GLG1: variants seen among roughly 807,000 people sequenced by gnomAD.
The protein encoded by GLG1 is Golgi apparatus protein 1.
GLG1 carries 38 observed loss-of-function variants against 160.5 expected under a neutral mutation model. The observed-to-expected ratio is 0.24, with a 90% CI of 0.18 to 0.31. GLG1 has a LOEUF of 0.31. Ranked by LOEUF, GLG1 falls within the 10% of genes least tolerant of loss-of-function variation. The pLI is 1.00. For synonymous variants in GLG1, 644 were observed against 543.4 expected (o/e 1.19, Z -2.57); for missense variants, 1,373 against 1,505.2 (o/e 0.91, Z 1.45).
chr16:74,505,876 C>T (rs886725093), intron 3 of GLG1, among the ~76,000 whole-genome samples: 7 of 150,676 alleles, frequency 4.6e-5, no homozygotes, highest in Non-Finnish European at 5.9e-5. Flanking sequence ...ACAAAAAACC[C>T]AAAATTAGCT....
In GLG1 at chr16:74,452,598, C is replaced by A; in HGVS notation, c.*569G>T. On this transcript the variant is annotated 3_prime_UTR_variant, in exon 26 of 26. Coordinates refer to ENST00000422840, the MANE Select transcript of GLG1 (RefSeq NM_001145667.2). ...ACACAGCCTGGGGAACGGCTGCCCA[C>A]CCACGCCTCGGTGAAGACCACGGCC... is the stretch of plus-strand genomic sequence containing the variant. The A allele has an allele frequency of 7.0e-6, 7 of 1,001,278 alleles. No individual in the cohort carries two copies. In the South Asian group the frequency reaches 2.6e-4, roughly 38 times the overall value. 62.0% of individuals were successfully genotyped at this position (1,001,278 alleles called of 1,614,324 possible). A position where few individuals can be genotyped will look rare whatever the true frequency, so the allele number is the denominator to read the frequency against.
At chr16:74,537,533 GAT>G (rs777586437) in intron 1 of GLG1, among the ~76,000 whole-genome samples, 42 of 143,556 alleles carry the variant, frequency 2.9e-4, no homozygotes, top group Non-Finnish European at 5.0e-4. Context: ...GGGAGTCTGA[GAT>G]ATCCTGAAAT....
intron 2 of GLG1, among the ~76,000 whole-genome samples, chr16:74,512,273 T>TAAA (rs368505481): frequency 1.5e-5 from 2 of 135,146 alleles, no homozygotes; most frequent in Non-Finnish European, 3.2e-5. Context: ...GAATCCATAT[T>TAAA]AAAAAAAAAA....
At chr16:74,469,519 G>C (rs977673854) in intron 16 of GLG1, 42 of 186,336 alleles carry the variant, frequency 2.3e-4, no homozygotes, top group South Asian at 1.5e-3. Flanking sequence ...AATTTGGACA[G>C]TCACGCTGAA....
intron 18 of GLG1, among the ~76,000 whole-genome samples, chr16:74,467,021 G>A (rs771946478): frequency 2.6e-5 from 4 of 152,092 alleles, no homozygotes; most frequent in Admixed American, 6.6e-5. Context: ...AGAGCCAACC[G>A]GAAACACACA....
chr16:74,454,280 A>G (rs542199938), intron 25 of GLG1, among the ~76,000 whole-genome samples: 99 of 151,926 alleles, frequency 6.5e-4, no homozygotes, highest in Middle Eastern at 3.4e-3. Flanking sequence ...ATCACAGCTC[A>G]CTACAACCTC....
chr16:74,451,775 C>A lies in GLG1; in HGVS notation c.*1392G>T. On this transcript the variant is annotated 3_prime_UTR_variant, in exon 26 of 26. Transcript: ENST00000422840. ...CACGCTGAACCATGATGCCCGGACC[C>A]CTCCCTCTCACACCCAGACTTGTCA... 1 of 414,474 alleles carries A rather than the reference C, an allele frequency of 2.4e-6. No homozygotes were observed. Among genetic ancestry groups the A allele is most frequent in the African/African-American group, 2.0e-5 (1 of 50,000 alleles). 25.7% of individuals were successfully genotyped at this position (414,474 alleles called of 1,614,324 possible). A position where few individuals can be genotyped will look rare whatever the true frequency, so the allele number is the denominator to read the frequency against.
chr16:74,486,400 T>G (rs1284019597), intron 8 of GLG1, among the ~76,000 whole-genome samples: 1 of 152,258 alleles, frequency 6.6e-6, no homozygotes, highest in Non-Finnish European at 1.5e-5. Flanking sequence ...AAAGCAGATG[T>G]GCAATTTCAT....
At chr16:74,481,193 G>C (rs1259538908) in intron 10 of GLG1, among the ~76,000 whole-genome samples, 1 of 152,162 alleles carries the variant, frequency 6.6e-6, no homozygotes, top group African/African-American at 2.4e-5. Context: ...CTCCTATTCA[G>C]TTTTCTCTCT....
At chr16:74,542,031 A>G (rs1350014078) in intron 1 of GLG1, among the ~76,000 whole-genome samples, 1 of 143,426 alleles carries the variant, frequency 7.0e-6, no homozygotes, top group Non-Finnish European at 1.5e-5. Flanking sequence ...TGTCTATTTC[A>G]AAGGGGTGGT....
intron 2 of GLG1, among the ~76,000 whole-genome samples, chr16:74,512,350 G>GCC (rs559506005): frequency 8.3e-4 from 118 of 141,776 alleles, no homozygotes; most frequent in South Asian, 3.2e-3. Flanking sequence ...TGCAACCTCC[G>GCC]CCCCCCGGGT....
At chr16:74,507,813 G>A (rs2016667528) in intron 3 of GLG1, among the ~76,000 whole-genome samples, 1 of 152,264 alleles carries the variant, frequency 6.6e-6, no homozygotes, top group African/African-American at 2.4e-5. Flanking sequence ...TCAAGCCTAG[G>A]AATAATTTGT....
intron 1 of GLG1, among the ~76,000 whole-genome samples, chr16:74,593,054 C>G (rs975283002): frequency 6.6e-6 from 1 of 152,140 alleles, no homozygotes; most frequent in African/African-American, 2.4e-5. Context: ...TTCTCTTGCC[C>G]TTCCACATTC....
At chr16:74,471,665 T>G (rs2015212715) in intron 14 of GLG1, among the ~76,000 whole-genome samples, 1 of 152,158 alleles carries the variant, frequency 6.6e-6, no homozygotes, top group Non-Finnish European at 1.5e-5. Context: ...CACTCAATAT[T>G]GAGGTACTAG....
At chr16:74,606,120 C>T (rs1958559342) in intron 1 of GLG1, among the ~76,000 whole-genome samples, 1 of 152,158 alleles carries the variant, frequency 6.6e-6, no homozygotes, top group South Asian at 2.1e-4. Context: ...ACAGCTTAAA[C>T]ATGGGGTTCA....
Position 74,462,648 on chromosome 16 carries a change from G to A in GLG1, c.2792-18C>T. The A allele has an allele frequency of 1.2e-6, 2 of 1,613,128 alleles. No homozygotes were observed. Among genetic ancestry groups the A allele is most frequent in the Non-Finnish European group, 1.7e-6 (2 of 1,179,160 alleles). Reference sequence around the variant, plus strand: ...GCGGTAATCTAGAGTAGAAAGCAGTGAGCATGTGACAAAACATTCCACCTG... The same window carrying A: ...GCGGTAATCTAGAGTAGAAAGCAGTAAGCATGTGACAAAACATTCCACCTG... On this transcript the variant is annotated intron_variant, in intron 20 of 25. Coordinates refer to ENST00000422840, the MANE Select transcript of GLG1 (RefSeq NM_001145667.2).
rs533455509 is a variant in GLG1, at chr16:74,475,079, C to T, written c.1966-447G>A. ...GGCTAAGGCAGGAGAATTGCTTGAA[C>T]CCAGGAGGCGGGGGCTGCAGTAAGC... On this transcript the variant is annotated intron_variant, in intron 12 of 25. Transcript: ENST00000422840. 6.0e-5 allele frequency among the ~76,000 whole-genome samples: 9 copies of T among 148,832 alleles called. No homozygotes were observed. In the South Asian group the frequency reaches 1.1e-3, roughly 18 times the overall value.
At chr16:74,595,169 C>A (rs1009527204) in intron 1 of GLG1, among the ~76,000 whole-genome samples, 3 of 150,428 alleles carry the variant, frequency 2.0e-5, no homozygotes, top group African/African-American at 7.3e-5. Flanking sequence ...GCCTGGGCAA[C>A]AGAGCAAGAA....
chr16:74,452,696 CCCCT>C lies in GLG1; in HGVS notation c.*467_*470del, dbSNP rs1291160190. On this transcript the variant is annotated 3_prime_UTR_variant, in exon 26 of 26. Coordinates refer to ENST00000422840, the MANE Select transcript of GLG1 (RefSeq NM_001145667.2). ...TCATGGCACACTGGGTGGTGTGCTT[CCCCT>C]CCAAGTCCTGTCTTTGTTTTACACA... The C allele has an allele frequency of 1.0e-6, 1 of 992,734 alleles. No homozygotes were observed. Among genetic ancestry groups the C allele is most frequent in the Non-Finnish European group, 1.2e-6 (1 of 834,274 alleles). 61.5% of individuals were successfully genotyped at this position (992,734 alleles called of 1,614,324 possible).
Sources: allele counts gnomAD v4.1 joint callset (sites outside exome capture counted in the v4.1 genomes callset), GRCh38; gene constraint gnomAD v4.1.1; transcripts MANE v1.5; gene names NCBI Gene and HGNC (gene_info 2026-07-23, HGNC 2026-07-21).